The following NVL variants were observed in gnomAD, a reference collection of about 807,000 sequenced individuals.
NVL encodes the protein nuclear valosin-containing protein-like.
Under a neutral mutation model 110.2 loss-of-function variants are expected in NVL, and 84 were observed. That is an observed-to-expected ratio of 0.76 (90% CI 0.64 to 0.91). NVL has a LOEUF of 0.91. NVL is among the 40% of genes least tolerant of loss of function. NVL has a pLI of 0.00. For missense variants in NVL, 882 were observed against 1,035.9 expected, an observed-to-expected ratio of 0.85 and a Z score of 2.04; for synonymous variants, 354 against 361.1, an observed-to-expected ratio of 0.98 and a Z score of 0.22.
chr1:224,297,077 T>C (rs1667952159), intron 10 of NVL, among the ~76,000 whole-genome samples: 1 of 152,168 alleles, frequency 6.6e-6, no homozygotes, highest in African/African-American at 2.4e-5. Context: ...TCCCTATAAT[T>C]TGCTATAAGA....
chr1:224,257,069 T>C (rs774951709), intron 18 of NVL: 3 of 533,074 alleles, frequency 5.6e-6, no homozygotes, highest in South Asian at 1.4e-5. Context: ...AACCCAGCTT[T>C]TCCCAACTTT....
At chr1:224,328,926 G>C (rs1671411780) in intron 1 of NVL, among the ~76,000 whole-genome samples, 1 of 152,156 alleles carries the variant, frequency 6.6e-6, no homozygotes, top group African/African-American at 2.4e-5. Context: ...ATATACAGAG[G>C]CCAGTGCAGC....
At chr1:224,312,069 T>C (rs1274306965) in intron 4 of NVL, 8 of 457,880 alleles carry the variant, frequency 1.7e-5, no homozygotes, top group Non-Finnish European at 2.7e-5. Context: ...AAAACGGAGA[T>C]TTAATAAGTA....
chr1:224,234,336 C>T (rs1660225188), intron 20 of NVL, among the ~76,000 whole-genome samples: 2 of 152,048 alleles, frequency 1.3e-5, no homozygotes, highest in African/African-American at 4.8e-5. Context: ...ATAAAAACAT[C>T]ACTTCTATGA....
chr1:224,259,934 C>T (rs963441355), intron 18 of NVL, among the ~76,000 whole-genome samples: 1 of 151,392 alleles, frequency 6.6e-6, no homozygotes, highest in African/African-American at 2.4e-5. Flanking sequence ...CCTCCCAAAG[C>T]GCTGGGATTA....
At chr1:224,247,066 A>C (rs561507398) in intron 19 of NVL, among the ~76,000 whole-genome samples, 11 of 151,828 alleles carry the variant, frequency 7.2e-5, no homozygotes, top group South Asian at 2.1e-4. Flanking sequence ...AAAAAAAAAA[A>C]AAAAAAAACA....
intron 21 of NVL, among the ~76,000 whole-genome samples, chr1:224,232,671 T>C (rs1259113067): frequency 2.0e-5 from 3 of 152,016 alleles, no homozygotes; most frequent in African/African-American, 4.8e-5. Context: ...ACAATTTTTT[T>C]CCCCCATATG....
intron 19 of NVL, among the ~76,000 whole-genome samples, chr1:224,239,079 T>C (rs1344907076): frequency 6.6e-6 from 1 of 152,208 alleles, no homozygotes; most frequent in Non-Finnish European, 1.5e-5. Flanking sequence ...ATCTGGAGAC[T>C]TTGTAACAAT....
intron 20 of NVL, among the ~76,000 whole-genome samples, chr1:224,235,310 G>A (rs1184095618): frequency 1.3e-5 from 2 of 152,108 alleles, no homozygotes; most frequent in Non-Finnish European, 2.9e-5. Context: ...TGCGATTACA[G>A]GTGTGCACTA....
chr1:224,236,616 G>C (rs1255434770), intron 19 of NVL, 34 bp from the exon 20 acceptor site: 1 of 1,556,778 alleles, frequency 6.4e-7, no homozygotes, highest in African/African-American at 1.4e-5. Flanking sequence ...TTTCATTGGA[G>C]CTTTAAAGAC....
intron 5 of NVL, among the ~76,000 whole-genome samples, chr1:224,311,509 C>T (rs1014051318): frequency 2.0e-5 from 3 of 152,092 alleles, no homozygotes; most frequent in Non-Finnish European, 4.4e-5. Flanking sequence ...GCTGGGACCA[C>T]AGGTGCATGC....
At position 224,326,282 on chromosome 1, in the gene NVL, C is replaced by T. The variant is rs57033688; in HGVS notation, c.131+109G>A. 3,064 of 695,632 alleles carry T rather than the reference C, an allele frequency of 4.4e-3. 49 individuals are homozygous for T. The highest frequency in any genetic ancestry group is 0.038 in the African/African-American group (2,147 of 56,192). 43.1% of individuals were successfully genotyped at this position (695,632 alleles called of 1,614,324 possible). A position where few individuals can be genotyped will look rare whatever the true frequency, so the allele number is the denominator to read the frequency against. Reference sequence around the variant, plus strand: ...AGTTCCAAGATTATGGATTGGTGAACTAATGCCAGCAGCTACTGATATCAA... The same window carrying T: ...AGTTCCAAGATTATGGATTGGTGAATTAATGCCAGCAGCTACTGATATCAA... On this transcript the variant is annotated intron_variant, in intron 2 of 22. Coordinates refer to ENST00000281701, the MANE Select transcript of NVL (RefSeq NM_002533.4).
At chr1:224,274,641 AAAATAAAAATAAAAAT>A (rs1257120696) in intron 17 of NVL, among the ~76,000 whole-genome samples, 1 of 152,182 alleles carries the variant, frequency 6.6e-6, no homozygotes, top group Non-Finnish European at 1.5e-5. Context: ...CGTCTCGAAA[AAAATAAAAATAAAAAT>A]AAATAAAAAT....
At chr1:224,232,478 C>T in intron 21 of NVL, among the ~76,000 whole-genome samples, 1 of 152,118 alleles carries the variant, frequency 6.6e-6, no homozygotes, top group East Asian at 1.9e-4. Flanking sequence ...CTGGGCCTCA[C>T]CCTCCCAAGT....
chr1:224,251,312 A>C (rs971466249), intron 18 of NVL, among the ~76,000 whole-genome samples: 6 of 149,932 alleles, frequency 4.0e-5, no homozygotes, highest in African/African-American at 1.5e-4. Flanking sequence ...ATGAGATGAG[A>C]ATAACCTCTT....
At chr1:224,281,078 T>C in intron 16 of NVL, 45 bp downstream of exon 16, 6 of 1,518,388 alleles carry the variant, frequency 4.0e-6, no homozygotes, top group African/African-American at 1.4e-5. Flanking sequence ...TGCATGACCA[T>C]TACTTTTTCT....
intron 1 of NVL, among the ~76,000 whole-genome samples, chr1:224,327,769 G>A (rs1671281415): frequency 6.6e-6 from 1 of 151,068 alleles, no homozygotes; most frequent in Non-Finnish European, 1.5e-5. Context: ...TGAGGACAGA[G>A]AAGAGGCCAC....
chr1:224,235,683 T>G (rs909676572), intron 20 of NVL, among the ~76,000 whole-genome samples: 1 of 151,900 alleles, frequency 6.6e-6, no homozygotes, highest in African/African-American at 2.4e-5. Flanking sequence ...ATCCCAGCAC[T>G]TTGGGATGCT....
At chr1:224,307,546 A>G (rs1321918879) in intron 6 of NVL, among the ~76,000 whole-genome samples, 1 of 152,136 alleles carries the variant, frequency 6.6e-6, no homozygotes, top group African/African-American at 2.4e-5. Flanking sequence ...TAGAAAAGAT[A>G]TAAGTTAGCT....
Sources: gnomAD v4.1 joint callset for allele counts (sites outside exome capture counted in the v4.1 genomes callset) on GRCh38, gnomAD v4.1.1 for gene constraint, MANE v1.5 for transcripts, NCBI Gene and HGNC (gene_info 2026-07-23, HGNC 2026-07-21) for gene names.